The following GNAQ variants were observed in gnomAD, a reference collection of about 807,000 sequenced individuals.
The protein encoded by GNAQ is G protein subunit alpha q.
Under a neutral mutation model 43.9 loss-of-function variants are expected in GNAQ, and 8 were observed. The ratio of observed to expected loss-of-function variants is 0.18; its 90% CI spans 0.11 to 0.33. GNAQ has a LOEUF of 0.33. Among genes scored for constraint, GNAQ ranks in the 10% least tolerant of loss-of-function variants. GNAQ has a pLI of 1.00. For synonymous variants in GNAQ, 155 were observed against 170.7 expected (o/e 0.91, Z 0.71); for missense variants, 158 against 450.8 (o/e 0.35, Z 5.88).
chr9:77,847,757 C>T (rs954864824), intron 2 of GNAQ, among the ~76,000 whole-genome samples: 1 of 152,118 alleles, frequency 6.6e-6, no homozygotes, highest in African/African-American at 2.4e-5. Flanking sequence ...GCATTTTGGG[C>T]CTTGTGCAAA....
chr9:77,981,235 C>G (rs1220318737), intron 1 of GNAQ, among the ~76,000 whole-genome samples: 1 of 152,130 alleles, frequency 6.6e-6, no homozygotes, highest in Non-Finnish European at 1.5e-5. Context: ...TGCCAATATT[C>G]TGCCATACAT....
chr9:77,760,689 C>T (rs1205440474), intron 5 of GNAQ, among the ~76,000 whole-genome samples: 1 of 151,668 alleles, frequency 6.6e-6, no homozygotes, highest in Non-Finnish European at 1.5e-5. Flanking sequence ...TGTTAGGAGC[C>T]CCTCTGCCTG....
chr9:77,817,161 C>T (rs537775036), intron 2 of GNAQ, among the ~76,000 whole-genome samples: 3 of 152,262 alleles, frequency 2.0e-5, no homozygotes, highest in South Asian at 4.1e-4. Context: ...CCAGGTGGGG[C>T]CCACCTCAAT....
chr9:77,863,594 T>G (rs1211139202), intron 2 of GNAQ, among the ~76,000 whole-genome samples: 1 of 152,184 alleles, frequency 6.6e-6, no homozygotes, highest in African/African-American at 2.4e-5. Flanking sequence ...GGGTATCTTT[T>G]CAGCAGTGCC....
intron 1 of GNAQ, among the ~76,000 whole-genome samples, chr9:77,985,062 G>A (rs1251371274): frequency 6.6e-6 from 1 of 152,162 alleles, no homozygotes; most frequent in African/African-American, 2.4e-5. Flanking sequence ...TGTAATCCCA[G>A]CACTTTGGGA....
intron 2 of GNAQ, among the ~76,000 whole-genome samples, chr9:77,888,430 T>C (rs1363776802): frequency 6.6e-6 from 1 of 152,172 alleles, no homozygotes; most frequent in African/African-American, 2.4e-5. Flanking sequence ...AATAGGAAAG[T>C]ATAGCAGTAA....
chr9:77,892,126 T>C (rs948838942), intron 2 of GNAQ, among the ~76,000 whole-genome samples: 1 of 152,208 alleles, frequency 6.6e-6, no homozygotes, highest in Non-Finnish European at 1.5e-5. Context: ...GTTGTCCTTC[T>C]ATGGCATCTA....
intron 1 of GNAQ, among the ~76,000 whole-genome samples, chr9:77,962,363 CA>C (rs1823116369): frequency 6.6e-6 from 1 of 152,066 alleles, no homozygotes; most frequent in South Asian, 2.1e-4. Flanking sequence ...AAGAAAACTA[CA>C]TGAGGCAGTT....
intron 1 of GNAQ, among the ~76,000 whole-genome samples, chr9:77,992,305 G>A (rs577100046): frequency 2.0e-5 from 3 of 152,160 alleles, no homozygotes; most frequent in South Asian, 2.1e-4. Flanking sequence ...CTTAATTTCC[G>A]TAACAGAAAA....
At chr9:77,938,744 T>C (rs149054398) in intron 1 of GNAQ, among the ~76,000 whole-genome samples, 3 of 152,276 alleles carry the variant, frequency 2.0e-5, no homozygotes, top group African/African-American at 4.8e-5. Flanking sequence ...GTGAAGCTGA[T>C]AGGCCACTTT....
intron 3 of GNAQ, among the ~76,000 whole-genome samples, chr9:77,812,703 T>G (rs1826946867): frequency 6.6e-6 from 1 of 152,044 alleles, no homozygotes; most frequent in African/African-American, 2.4e-5. Context: ...AGAACTTAAT[T>G]AATTTTAGGT....
intron 2 of GNAQ, among the ~76,000 whole-genome samples, chr9:77,921,692 C>A (rs147159570): frequency 6.6e-6 from 1 of 152,192 alleles, no homozygotes; most frequent in Non-Finnish European, 1.5e-5. Context: ...TCAAATGAAG[C>A]CTGTGGTACT....
At chr9:77,840,797 A>C (rs928923782) in intron 2 of GNAQ, among the ~76,000 whole-genome samples, 3 of 152,164 alleles carry the variant, frequency 2.0e-5, no homozygotes, top group African/African-American at 7.2e-5. Flanking sequence ...GGAAGGGGTG[A>C]GAAGATGATG....
rs189294952 is a variant in GNAQ at position 77,804,495 on chromosome 9, C to T, written c.477-6847G>A. 4.6e-5 allele frequency among the ~76,000 whole-genome samples: 7 copies of T among 152,264 alleles called. No homozygotes were observed. The East Asian group carries it at 1.4e-3, about 29-fold the overall frequency. ...TGTAACCACTGCACTCCAGCTTGGG[C>T]AACACAGTAAGACCCTGACTCTAAA... On this transcript the variant is annotated intron_variant, in intron 3 of 6. Transcript: ENST00000286548.
At chr9:77,831,938 C>G (rs1184792994) in intron 2 of GNAQ, among the ~76,000 whole-genome samples, 2 of 152,036 alleles carry the variant, frequency 1.3e-5, no homozygotes, top group Non-Finnish European at 2.9e-5. Flanking sequence ...TTGCCCTCGC[C>G]AGCTCCTTCT....
intron 5 of GNAQ, among the ~76,000 whole-genome samples, chr9:77,729,684 T>C (rs1284437515): frequency 6.6e-6 from 1 of 152,220 alleles, no homozygotes; most frequent in African/African-American, 2.4e-5. Context: ...TGTATGGGCA[T>C]GCTTCATCCT....
intron 5 of GNAQ, among the ~76,000 whole-genome samples, chr9:77,775,404 T>G (rs1371449372): frequency 1.4e-5 from 2 of 145,550 alleles, no homozygotes. Context: ...CTTCTCCTCA[T>G]CTCTCTTTTT....
intron 3 of GNAQ, among the ~76,000 whole-genome samples, chr9:77,809,201 C>T (rs993328569): frequency 4.6e-5 from 7 of 152,158 alleles, no homozygotes; most frequent in African/African-American, 1.7e-4. Context: ...TCTTTACGGG[C>T]TCCGGATCAT....
intron 1 of GNAQ, among the ~76,000 whole-genome samples, chr9:78,018,624 C>T (rs554256908): frequency 1.3e-5 from 2 of 152,102 alleles, no homozygotes; most frequent in East Asian, 1.9e-4. Flanking sequence ...CATTTCTTCT[C>T]GACTCAAACT....
Sources: allele counts gnomAD v4.1 joint callset (sites outside exome capture counted in the v4.1 genomes callset), GRCh38; gene constraint gnomAD v4.1.1; transcripts MANE v1.5; gene names NCBI Gene and HGNC (gene_info 2026-07-23, HGNC 2026-07-21).